AMD1: variants seen among roughly 807,000 people sequenced by gnomAD.
AMD1 encodes the protein S-adenosylmethionine decarboxylase proenzyme.
A neutral mutation model predicts 40.2 loss-of-function variants in AMD1; 11 were observed. The observed-to-expected ratio is 0.27, with a 90% CI of 0.17 to 0.45. The LOEUF (loss-of-function observed/expected upper bound fraction) is 0.45. Ranked by LOEUF, AMD1 falls within the 20% of genes least tolerant of loss-of-function variation. The probability of loss-of-function intolerance (pLI) is 1.00; values close to 1 mark genes in which losing one functional copy is unlikely to be tolerated. For missense variants in AMD1, 257 were observed against 410.2 expected (o/e 0.63, Z 3.23); for synonymous variants, 121 against 130.8 (o/e 0.93, Z 0.51).
chr6:110,815,255 G>GCGTCGCC, the AMD1 span: 1 of 1,154,292 alleles, frequency 8.7e-7, no homozygotes, highest in South Asian at 2.5e-5. Context: ...GCGCGCGCGC[G>GCGTCGCC]CGCCGCCCGC....
the AMD1 span, among the ~76,000 whole-genome samples, chr6:110,819,394 C>T: frequency 6.6e-6 from 1 of 152,054 alleles, no homozygotes; most frequent in Non-Finnish European, 1.5e-5. Context: ...GGATCTGAAC[C>T]ACGGAAGAGC....
the AMD1 span, among the ~76,000 whole-genome samples, chr6:110,860,597 G>C: frequency 6.7e-6 from 1 of 150,166 alleles, no homozygotes; most frequent in African/African-American, 2.5e-5. Flanking sequence ...TCAGGAGTTC[G>C]CGACCAACCT....
At chr6:110,814,617 G>A in the AMD1 span, 29 of 469,580 alleles carry the variant, frequency 6.2e-5, no homozygotes, top group Admixed American at 3.0e-4. Flanking sequence ...CACAACGACC[G>A]TCACTACCCA....
At chr6:110,888,311 C>T (rs946109989) in intron 2 of AMD1, 1 of 152,046 alleles carries the variant, frequency 6.6e-6, no homozygotes, top group African/African-American at 2.4e-5. Flanking sequence ...ACTAAACAGC[C>T]CCTCCCCCCC....
intron 4 of AMD1, 145 bp from the exon 5 acceptor site, chr6:110,892,016 A>G (rs1786047460): frequency 4.1e-6 from 4 of 975,744 alleles, no homozygotes; most frequent in Non-Finnish European, 6.3e-6. Context: ...GATTATAGAC[A>G]TGAGCTACTA....
chr6:110,821,351 C>A, the AMD1 span, among the ~76,000 whole-genome samples: 1 of 152,182 alleles, frequency 6.6e-6, no homozygotes, highest in African/African-American at 2.4e-5. Context: ...GTAATCCCAG[C>A]ACTTTGGGAG....
the AMD1 span, chr6:110,858,891 A>G: frequency 3.6e-6 from 3 of 822,838 alleles, no homozygotes; most frequent in East Asian, 7.2e-5. Context: ...TGTGCCAGCC[A>G]GGTGGGCATG....
At chr6:110,866,552 G>A in the AMD1 span, among the ~76,000 whole-genome samples, 6 of 152,304 alleles carry the variant, frequency 3.9e-5, no homozygotes, top group Admixed American at 2.6e-4. Flanking sequence ...TCTATTACTA[G>A]GGAGAATGAA....
the AMD1 span, among the ~76,000 whole-genome samples, chr6:110,832,719 G>A: frequency 6.6e-6 from 1 of 152,060 alleles, no homozygotes; most frequent in Non-Finnish European, 1.5e-5. Context: ...TCATCCTCTA[G>A]TGTTCTCACT....
At chr6:110,872,913 G>A (rs1038526343), upstream of AMD1, among the ~76,000 whole-genome samples, 1 of 152,178 alleles carries the variant, frequency 6.6e-6, no homozygotes, top group Non-Finnish European at 1.5e-5. Flanking sequence ...TGGTTTAGTA[G>A]GCAGATTCTT....
At chr6:110,815,157 G>A in the AMD1 span, 2 of 1,567,900 alleles carry the variant, frequency 1.3e-6, no homozygotes, top group Non-Finnish European at 1.7e-6. Context: ...CCCCATAGAG[G>A]CACGGGACGC....
At chr6:110,866,835 C>T in the AMD1 span, among the ~76,000 whole-genome samples, 2 of 149,602 alleles carry the variant, frequency 1.3e-5, no homozygotes, top group Non-Finnish European at 3.0e-5. Context: ...TTTTTTGAGA[C>T]AGAGTTTCAC....
At chr6:110,824,679 C>CA in the AMD1 span, among the ~76,000 whole-genome samples, 1 of 150,970 alleles carries the variant, frequency 6.6e-6, no homozygotes, top group East Asian at 1.9e-4. Context: ...TAGCTTAAGG[C>CA]AAAAAAATAA....
chr6:110,866,010 G>T, the AMD1 span, among the ~76,000 whole-genome samples: 2 of 150,768 alleles, frequency 1.3e-5, no homozygotes, highest in Admixed American at 6.6e-5. Context: ...TGATCTGCCC[G>T]CCTCGGCCTC....
the AMD1 span, among the ~76,000 whole-genome samples, chr6:110,861,460 G>A: frequency 1.4e-5 from 2 of 147,642 alleles, no homozygotes; most frequent in African/African-American, 2.5e-5. Flanking sequence ...GGAGGCAGAG[G>A]TTGCACTGAG....
At chr6:110,821,093 C>T in the AMD1 span, among the ~76,000 whole-genome samples, 1 of 152,130 alleles carries the variant, frequency 6.6e-6, no homozygotes, top group Non-Finnish European at 1.5e-5. Context: ...AAGTTGTGTT[C>T]TTCTACAGCA....
chr6:110,875,088 T>C lies in AMD1; in HGVS notation c.-18T>C, dbSNP rs1298062014. ...GTTGATTTTCTGTGGTTGTTGGTTG[T>C]TCGCTAGTCTCACGGTGATGGAAGC... On this transcript the variant is annotated 5_prime_UTR_variant, in exon 1 of 9. Coordinates refer to ENST00000368885, the MANE Select transcript of AMD1 (RefSeq NM_001634.6). 4 of 1,601,744 alleles carry C rather than the reference T, an allele frequency of 2.5e-6. No homozygotes were observed. Among genetic ancestry groups the C allele is most frequent in the Non-Finnish European group, 3.4e-6 (4 of 1,171,444 alleles).
At chr6:110,892,070 A>G (rs1300303074) in intron 4 of AMD1, 91 bp from the exon 5 acceptor site, 2 of 1,392,794 alleles carry the variant, frequency 1.4e-6, no homozygotes, top group Non-Finnish European at 2.0e-6. Flanking sequence ...AGTGGCAAAT[A>G]GTATCATTCT....
At chr6:110,815,203 C>T in the AMD1 span, 13 of 1,458,632 alleles carry the variant, frequency 8.9e-6, no homozygotes, top group Non-Finnish European at 1.2e-5. Flanking sequence ...CTCCTCCTCC[C>T]CCCGCGACCG....
Sources: gnomAD v4.1 joint callset for allele counts (sites outside exome capture counted in the v4.1 genomes callset) on GRCh38, gnomAD v4.1.1 for gene constraint, MANE v1.5 for transcripts, NCBI Gene and HGNC (gene_info 2026-07-23, HGNC 2026-07-21) for gene names.